Variants in FAM118B observed in about 807,000 individuals in gnomAD.
FAM118B encodes SIR2 antiphage like 1.
A neutral mutation model predicts 38.5 loss-of-function variants in FAM118B; 24 were observed. The observed-to-expected ratio is 0.62, with a 90% CI of 0.45 to 0.88. FAM118B has a LOEUF of 0.88. Among genes scored for constraint, FAM118B ranks in the 40% least tolerant of loss-of-function variants. The probability of loss-of-function intolerance (pLI) is 0.00; values close to 1 mark genes in which losing one functional copy is unlikely to be tolerated. For synonymous variants in FAM118B, 138 were observed against 156.3 expected (o/e 0.88, Z 0.87); for missense variants, 334 against 420.0 (o/e 0.80, Z 1.79).
chr11:126,222,195 A>T (rs1036937524), intron 1 of FAM118B, among the ~76,000 whole-genome samples: 4 of 152,216 alleles, frequency 2.6e-5, no homozygotes, highest in African/African-American at 9.6e-5. Flanking sequence ...ATGAGATGAT[A>T]ATAGCATCTA....
In FAM118B at chr11:126,250,088, C is replaced by T. The variant is rs537426734; in HGVS notation, c.340-418C>T. Among the ~76,000 whole-genome samples, 89 of 135,046 alleles carry T rather than the reference C, an allele frequency of 6.6e-4. No homozygotes were observed. Among genetic ancestry groups the T allele is most frequent in the Middle Eastern group, 3.9e-3 (1 of 258 alleles). The allele number at this position is 135,046 out of a possible 152,430, so 88.6% of individuals were successfully genotyped here. On this transcript the variant is annotated intron_variant, in intron 4 of 8. Transcript: ENST00000533050. This position sits in a 1 kb window ranked among gnomAD's most constrained non-coding sequence, Gnocchi z 5.1. The stretch of plus-strand genomic sequence containing the variant: ...TATGAGATAGATAATATTTTATCCC[C>T]GGGATTTTTTTTTTTTTTTTTGAGA...
intron 7 of FAM118B, 130 bp from the exon 8 acceptor site, chr11:126,261,295 A>G: frequency 1.5e-6 from 1 of 684,856 alleles, no homozygotes; most frequent in Non-Finnish European, 2.5e-6. Flanking sequence ...CTTCTCAATG[A>G]TTGTTTCATT....
chr11:126,212,465 C>T lies in FAM118B; in HGVS notation c.-77+635C>T, dbSNP rs1038687872. On this transcript the variant is annotated intron_variant, in intron 1 of 8. Transcript: ENST00000533050. The stretch of plus-strand genomic sequence containing the variant: ...TCTCACGAGATGCGATGTTGGGATT[C>T]CCTTGCCCGAACTGCAGGCGACTCC... Among the ~76,000 whole-genome samples, 15 of 152,206 alleles carry T rather than the reference C, an allele frequency of 9.9e-5. No individual in the cohort carries two copies. The East Asian group carries it at 2.9e-3, about 29-fold the overall frequency.
In FAM118B at chr11:126,256,140, G is replaced by A. The variant is rs949568847; in HGVS notation, c.697-427G>A. ...TCAAAAATTAGCTGGGTGTGGTGGT[G>A]CACACTTGTAATATACTCGGGAGGC... On this transcript the variant is annotated intron_variant, in intron 6 of 8. Coordinates refer to ENST00000533050, the MANE Select transcript of FAM118B (RefSeq NM_024556.4). This position sits in a 1 kb window ranked among gnomAD's most constrained non-coding sequence, Gnocchi z 6.6. Among the ~76,000 whole-genome samples, 1 of 152,012 alleles carries A rather than the reference G, an allele frequency of 6.6e-6. No individual in the cohort carries two copies. Among genetic ancestry groups the A allele is most frequent in the South Asian group, 2.1e-4 (1 of 4,826 alleles).
intron 4 of FAM118B, among the ~76,000 whole-genome samples, chr11:126,242,438 A>G (rs1950371455): frequency 6.6e-6 from 1 of 152,224 alleles, no homozygotes; most frequent in Admixed American, 6.5e-5. Flanking sequence ...AAAAGAAAAA[A>G]AAAAGTGAAA....
chr11:126,262,848 C>T lies in FAM118B; in HGVS notation c.*715C>T, dbSNP rs1254565412. 6.6e-6 allele frequency: 1 copy of T among 152,598 alleles called. No individual in the cohort carries two copies. Among genetic ancestry groups the T allele is most frequent in the East Asian group, 1.9e-4 (1 of 5,206 alleles). 9.5% of individuals were successfully genotyped at this position (152,598 alleles called of 1,614,324 possible). The stretch of plus-strand genomic sequence containing the variant: ...ATCAACTTCTGCTCTGTTGTCCTGA[C>T]CATACATATGTCCTAGAACTACAGT... On this transcript the variant is annotated 3_prime_UTR_variant, in exon 9 of 9. Coordinates refer to ENST00000533050, the MANE Select transcript of FAM118B (RefSeq NM_024556.4).
intron 6 of FAM118B, among the ~76,000 whole-genome samples, chr11:126,254,846 G>T (rs926659735): frequency 3.3e-5 from 5 of 152,120 alleles, no homozygotes; most frequent in African/African-American, 9.7e-5. Context: ...AAAGAAACTG[G>T]AAAGTCAGAC....
intron 3 of FAM118B, among the ~76,000 whole-genome samples, chr11:126,238,119 T>A (rs1950306159): frequency 6.6e-6 from 1 of 152,108 alleles, no homozygotes; most frequent in Non-Finnish European, 1.5e-5. Flanking sequence ...CCCAGCACTT[T>A]GGGAGGCCAA....
At chr11:126,249,310 T>TTTACGTTAACC in intron 4 of FAM118B, among the ~76,000 whole-genome samples, 1 of 152,340 alleles carries the variant, frequency 6.6e-6, no homozygotes, top group South Asian at 2.1e-4. Flanking sequence ...TATTAAATTG[T>TTTACGTTAACC]TTACGTTAAC....
intron 4 of FAM118B, among the ~76,000 whole-genome samples, chr11:126,247,269 T>A (rs530599042): frequency 2.0e-5 from 3 of 152,184 alleles, no homozygotes; most frequent in Non-Finnish European, 2.9e-5. Flanking sequence ...TCCAGCTTGG[T>A]GACAGAGCCA....
chr11:126,216,754 A>G (rs910935698), intron 1 of FAM118B, among the ~76,000 whole-genome samples: 29 of 152,260 alleles, frequency 1.9e-4, no homozygotes, highest in African/African-American at 6.8e-4. Flanking sequence ...TCCTACCACC[A>G]TACTCATTTC....
intron 4 of FAM118B, among the ~76,000 whole-genome samples, chr11:126,242,243 A>G (rs1230205776): frequency 6.6e-6 from 1 of 152,142 alleles, no homozygotes; most frequent in Admixed American, 6.5e-5. Flanking sequence ...AAAAAAAAAT[A>G]TAGATAAACT....
intron 5 of FAM118B, 122 bp from the exon 6 acceptor site, chr11:126,254,183 T>C: frequency 8.3e-7 from 1 of 1,211,566 alleles, no homozygotes; most frequent in Admixed American, 2.6e-5. Context: ...TCTTGTCCTA[T>C]ATCATGAAGC....
rs189604839 is a variant in FAM118B, at chr11:126,250,154, C to T, written c.340-352C>T. 8.0e-5 allele frequency among the ~76,000 whole-genome samples: 12 copies of T among 150,648 alleles called. No homozygotes were observed. Among genetic ancestry groups the T allele is most frequent in the East Asian group, 2.0e-4 (1 of 5,074 alleles). On this transcript the variant is annotated intron_variant, in intron 4 of 8. Coordinates refer to ENST00000533050, the MANE Select transcript of FAM118B (RefSeq NM_024556.4). The surrounding 1 kb of genome is among the most constrained non-coding windows in gnomAD (Gnocchi z 5.1). ...TCGCCCAGGCTGGAGTGCAGTGACG[C>T]GATCTCGGCTCACTGCAAGCTCCGC...
intron 3 of FAM118B, among the ~76,000 whole-genome samples, chr11:126,238,634 T>C (rs978856866): frequency 3.9e-5 from 6 of 152,170 alleles, no homozygotes; most frequent in Admixed American, 6.6e-5. Context: ...TTCTCAGATA[T>C]AGTCCTCTGG....
At chr11:126,248,844 G>A (rs1390475332) in intron 4 of FAM118B, among the ~76,000 whole-genome samples, 2 of 152,192 alleles carry the variant, frequency 1.3e-5, no homozygotes, top group African/African-American at 4.8e-5. Flanking sequence ...TAGGGGACCA[G>A]TCCAAACCCT....
At chr11:126,214,941 C>G (rs1222626754) in intron 1 of FAM118B, among the ~76,000 whole-genome samples, 2 of 152,150 alleles carry the variant, frequency 1.3e-5, no homozygotes, top group African/African-American at 4.8e-5. Context: ...TAAGTTACGC[C>G]TCCTCAAACT....
chr11:126,211,794 A>G lies in FAM118B; in HGVS notation c.-113A>G. ...GCTCAGTGCGGCTGCGCCGGCCGGTAGCTGCAGCTGGAGCAGTGGCGTTTG... is the reference window on the plus strand; with the variant it reads ...GCTCAGTGCGGCTGCGCCGGCCGGTGGCTGCAGCTGGAGCAGTGGCGTTTG... On this transcript the variant is annotated 5_prime_UTR_variant, in exon 1 of 9. Transcript: ENST00000533050. 1.3e-6 allele frequency: 1 copy of G among 763,966 alleles called. No individual in the cohort carries two copies. Among genetic ancestry groups the G allele is most frequent in the South Asian group, 1.8e-5 (1 of 56,904 alleles). The allele number at this position is 763,966 out of a possible 1,614,324, so 47.3% of individuals were successfully genotyped here.
intron 1 of FAM118B, among the ~76,000 whole-genome samples, chr11:126,214,863 A>C (rs973493387): frequency 1.3e-5 from 2 of 152,248 alleles, no homozygotes; most frequent in Non-Finnish European, 2.9e-5. Context: ...AAATATAAAC[A>C]AACAAGGACT....
Sources: gnomAD v4.1 joint callset for allele counts (sites outside exome capture counted in the v4.1 genomes callset) on GRCh38, gnomAD v4.1.1 for gene constraint, Gnocchi (gnomAD v3.1) non-coding constraint, MANE v1.5 for transcripts, NCBI Gene and HGNC (gene_info 2026-07-23, HGNC 2026-07-21) for gene names.